Variants in ARHGAP10 observed in about 807,000 individuals in gnomAD.
The protein encoded by ARHGAP10 is rho GTPase-activating protein 10.
In ARHGAP10, 87 loss-of-function variants were observed where a neutral mutation model predicts 108.6. That is an observed-to-expected ratio of 0.80 (90% CI 0.67 to 0.96). The LOEUF (loss-of-function observed/expected upper bound fraction) is 0.96. Ranked by LOEUF, ARHGAP10 falls within the 40% of genes least tolerant of loss-of-function variation. The pLI is 0.00. For synonymous variants in ARHGAP10, 347 were observed against 341.1 expected (o/e 1.02, Z -0.19); for missense variants, 939 against 954.5 (o/e 0.98, Z 0.21).
chr4:147,943,610 A>G lies in ARHGAP10; in HGVS notation c.1304-3007A>G, dbSNP rs1457638910. ...GCGTGAAACATTCACCCAAATAAAAAGTCAACTCTTTTTATCTGTGCTTGT... is the reference window on the plus strand; with the variant it reads ...GCGTGAAACATTCACCCAAATAAAAGGTCAACTCTTTTTATCTGTGCTTGT... On this transcript the variant is annotated intron_variant, in intron 14 of 22. Coordinates refer to ENST00000336498, the MANE Select transcript of ARHGAP10 (RefSeq NM_024605.4). Among the ~76,000 whole-genome samples the G allele has an allele frequency of 4.6e-5, 7 of 152,246 alleles. 1 individual carries two copies. In the South Asian group the frequency reaches 1.4e-3, roughly 32 times the overall value.
chr4:147,768,657 G>C (rs1233062945), intron 1 of ARHGAP10, among the ~76,000 whole-genome samples: 2 of 152,012 alleles, frequency 1.3e-5, no homozygotes, highest in Non-Finnish European at 2.9e-5. Context: ...AGAAATTGTA[G>C]AAGCTGAATA....
At chr4:147,949,403 T>C (rs1738510119) in intron 15 of ARHGAP10, among the ~76,000 whole-genome samples, 1 of 152,204 alleles carries the variant, frequency 6.6e-6, no homozygotes. Flanking sequence ...GGCTGAGAAA[T>C]TAGAACAGTG....
chr4:148,056,525 A>G (rs752224683), intron 20 of ARHGAP10, among the ~76,000 whole-genome samples: 3 of 151,928 alleles, frequency 2.0e-5, no homozygotes, highest in Non-Finnish European at 4.4e-5. Context: ...GCTTCCGTAG[A>G]CCCTTCACTT....
intron 1 of ARHGAP10, among the ~76,000 whole-genome samples, chr4:147,821,538 TA>T (rs1490750208): frequency 2.0e-5 from 3 of 152,294 alleles, no homozygotes; most frequent in African/African-American, 7.2e-5. Flanking sequence ...AACAGCACGA[TA>T]AACATGAATT....
At chr4:147,743,951 G>A (rs1728802052) in intron 1 of ARHGAP10, among the ~76,000 whole-genome samples, 1 of 152,194 alleles carries the variant, frequency 6.6e-6, no homozygotes, top group African/African-American at 2.4e-5. Context: ...GTCATCACTA[G>A]AACAACCTTA....
At chr4:148,006,780 C>T (rs2149650436) in intron 18 of ARHGAP10, among the ~76,000 whole-genome samples, 1 of 152,286 alleles carries the variant, frequency 6.6e-6, no homozygotes, top group East Asian at 1.9e-4. Context: ...CAGTGAGAAC[C>T]TGCCAGGTGA....
At chr4:147,953,590 G>T (rs563000061) in intron 15 of ARHGAP10, among the ~76,000 whole-genome samples, 54 of 151,610 alleles carry the variant, frequency 3.6e-4, no homozygotes, top group Non-Finnish European at 6.6e-4. Flanking sequence ...TTTAGAATCT[G>T]CACTGATTCT....
chr4:147,771,885 A>G (rs1730098319), intron 1 of ARHGAP10, among the ~76,000 whole-genome samples: 2 of 152,054 alleles, frequency 1.3e-5, no homozygotes, highest in Non-Finnish European at 2.9e-5. Flanking sequence ...TCCACCTCCC[A>G]GGTTCTAGCG....
In ARHGAP10 at chr4:147,894,382, C is replaced by T. The variant is rs1193253992; in HGVS notation, c.1035-12256C>T. ...TCTGTCATGAAGTGTCTATTAAAATCTCCTGCCCATTTAAAAATTGTGTTG... is the reference window on the plus strand; with the variant it reads ...TCTGTCATGAAGTGTCTATTAAAATTTCCTGCCCATTTAAAAATTGTGTTG... On this transcript the variant is annotated intron_variant, in intron 10 of 22. Transcript: ENST00000336498. Among the ~76,000 whole-genome samples the T allele has an allele frequency of 2.0e-5, 3 of 152,136 alleles. No homozygotes were observed. The South Asian group carries it at 6.2e-4, about 31-fold the overall frequency.
intron 19 of ARHGAP10, among the ~76,000 whole-genome samples, chr4:148,024,258 G>A (rs1741684227): frequency 6.6e-6 from 1 of 152,206 alleles, no homozygotes; most frequent in Admixed American, 6.5e-5. Flanking sequence ...AACATTTGCT[G>A]AATTTGAAAG....
chr4:147,843,549 C>T (rs1012091627), intron 3 of ARHGAP10, among the ~76,000 whole-genome samples: 11 of 152,034 alleles, frequency 7.2e-5, no homozygotes, highest in South Asian at 2.1e-4. Context: ...TTCTTTGAGA[C>T]GGAGTTTCGC....
At chr4:147,840,571 C>T (rs907775912) in intron 3 of ARHGAP10, among the ~76,000 whole-genome samples, 19 of 152,100 alleles carry the variant, frequency 1.2e-4, no homozygotes, top group East Asian at 3.8e-4. Context: ...TGGATTCAGG[C>T]GGTATGTGTC....
At chr4:147,981,603 T>C (rs911740361) in intron 18 of ARHGAP10, among the ~76,000 whole-genome samples, 1 of 152,230 alleles carries the variant, frequency 6.6e-6, no homozygotes, top group Non-Finnish European at 1.5e-5. Context: ...GTTCAGAATT[T>C]CTTTGTTCAT....
intron 22 of ARHGAP10, among the ~76,000 whole-genome samples, chr4:148,069,000 C>T (rs144297934): frequency 6.2e-4 from 95 of 152,164 alleles, no homozygotes; most frequent in African/African-American, 2.0e-3. Context: ...AGGGAGGGTG[C>T]GTGGGAAATG....
intron 18 of ARHGAP10, among the ~76,000 whole-genome samples, chr4:148,004,291 T>A (rs1408316774): frequency 6.6e-6 from 1 of 152,250 alleles, no homozygotes; most frequent in Non-Finnish European, 1.5e-5. Flanking sequence ...GCACCTTCAC[T>A]GCCACATTGT....
At chr4:148,003,257 T>G (rs1740803736) in intron 18 of ARHGAP10, among the ~76,000 whole-genome samples, 1 of 152,256 alleles carries the variant, frequency 6.6e-6, no homozygotes, top group Non-Finnish European at 1.5e-5. Flanking sequence ...AGTTCTAGTT[T>G]GCTTGCACTG....
intron 18 of ARHGAP10, among the ~76,000 whole-genome samples, chr4:147,972,173 A>G (rs1160927504): frequency 3.9e-5 from 6 of 152,290 alleles, no homozygotes; most frequent in East Asian, 3.9e-4. Flanking sequence ...GGTAGAAAGT[A>G]TAACGTAAGG....
chr4:147,750,960 G>A (rs1473775106), intron 1 of ARHGAP10, among the ~76,000 whole-genome samples: 2 of 151,838 alleles, frequency 1.3e-5, no homozygotes, highest in East Asian at 3.9e-4. Context: ...GGCAGGTCGC[G>A]TGAGGTCAGG....
intron 3 of ARHGAP10, among the ~76,000 whole-genome samples, chr4:147,845,888 G>T (rs1216292574): frequency 6.6e-6 from 1 of 152,196 alleles, no homozygotes; most frequent in Non-Finnish European, 1.5e-5. Flanking sequence ...GGGGAGTCAG[G>T]ATTCCTGGCT....
Sources: allele counts gnomAD v4.1 joint callset (sites outside exome capture counted in the v4.1 genomes callset), GRCh38; gene constraint gnomAD v4.1.1; transcripts MANE v1.5; gene names NCBI Gene and HGNC (gene_info 2026-07-23, HGNC 2026-07-21).